COL26A1: variants seen among roughly 807,000 people sequenced by gnomAD.
COL26A1 encodes collagen alpha-1(XXVI) chain.
In COL26A1, 41 loss-of-function variants were observed where a neutral mutation model predicts 59.3. The observed-to-expected ratio is 0.69, with a 90% CI of 0.54 to 0.90. COL26A1 has a LOEUF of 0.90. COL26A1 is among the 40% of genes least tolerant of loss of function. The probability of loss-of-function intolerance (pLI) is 0.00; values close to 1 mark genes in which losing one functional copy is unlikely to be tolerated. For missense variants in COL26A1, 612 were observed against 602.3 expected (o/e 1.02, Z -0.17); for synonymous variants, 266 against 256.0 (o/e 1.04, Z -0.37).
chr7:101,430,548 CA>C (rs58107581), intron 2 of COL26A1, among the ~76,000 whole-genome samples: 17,391 of 151,920 alleles, frequency 0.11, 1,869 homozygotes, highest in African/African-American at 0.29. Context: ...CTCAGCTTCC[CA>C]AAGTGCTGGG....
intron 12 of COL26A1, among the ~76,000 whole-genome samples, chr7:101,557,117 G>A (rs1010643597): frequency 4.0e-5 from 6 of 151,866 alleles, no homozygotes; most frequent in African/African-American, 1.5e-4. Flanking sequence ...GGATGAATGG[G>A]TGAATGGATG....
intron 2 of COL26A1, among the ~76,000 whole-genome samples, chr7:101,435,785 G>A (rs760157975): frequency 4.6e-5 from 7 of 152,112 alleles, no homozygotes; most frequent in Non-Finnish European, 8.8e-5. Flanking sequence ...CAGGCCCCTC[G>A]GAGTCCTTTG....
At chr7:101,509,755 C>A (rs1313089566) in intron 3 of COL26A1, among the ~76,000 whole-genome samples, 1 of 151,910 alleles carries the variant, frequency 6.6e-6, no homozygotes. Flanking sequence ...TTTGACGGGG[C>A]CTCACTCTGT....
intron 3 of COL26A1, among the ~76,000 whole-genome samples, chr7:101,514,585 C>T (rs1023300518): frequency 4.6e-5 from 7 of 152,028 alleles, no homozygotes; most frequent in South Asian, 2.1e-4. Context: ...CTATGGCTAG[C>T]GAGGCAGTGC....
intron 1 of COL26A1, among the ~76,000 whole-genome samples, chr7:101,363,760 C>T (rs1232624970): frequency 6.6e-6 from 1 of 151,350 alleles, no homozygotes; most frequent in Non-Finnish European, 1.5e-5. Context: ...GAGGTGGTTC[C>T]GACCGCCGTG....
At chr7:101,438,708 C>T (rs947106168) in intron 2 of COL26A1, among the ~76,000 whole-genome samples, 4 of 151,348 alleles carry the variant, frequency 2.6e-5, no homozygotes, top group South Asian at 2.1e-4. Context: ...CTCAATCTTG[C>T]GGTCCAGGCT....
Position 101,551,097 on chromosome 7 carries a change from G to A in COL26A1, c.994-11G>A, listed in dbSNP as rs1562802339. ...CGGCAGGCCTCACACGCTTCCTTTG[G>A]TTTTCTGCAGGGCCTGGCTGGAGAG... is the stretch of plus-strand genomic sequence containing the variant. On this transcript the variant is annotated splice_polypyrimidine_tract_variant and intron_variant, in intron 9 of 12. Coordinates refer to ENST00000313669, the MANE Select transcript of COL26A1 (RefSeq NM_001278563.3). The A allele has an allele frequency of 1.9e-6, 3 of 1,555,464 alleles. No individual in the cohort carries two copies. The highest frequency in any genetic ancestry group is 2.6e-6 in the Non-Finnish European group (3 of 1,149,254).
At chr7:101,428,666 C>CGT (rs1318398900) in intron 2 of COL26A1, among the ~76,000 whole-genome samples, 1 of 151,360 alleles carries the variant, frequency 6.6e-6, no homozygotes, top group African/African-American at 2.4e-5. Context: ...CTTTTGTGGT[C>CGT]GTGTGTGTGT....
intron 1 of COL26A1, among the ~76,000 whole-genome samples, chr7:101,408,784 G>A (rs1056964645): frequency 5.9e-5 from 9 of 152,104 alleles, no homozygotes; most frequent in Non-Finnish European, 1.2e-4. Context: ...TCCTTGCTGC[G>A]GCTGTGCAGA....
At chr7:101,533,055 C>G (rs369067942) in intron 3 of COL26A1, 27 bp from the exon 4 acceptor site, 134 of 1,575,208 alleles carry the variant, frequency 8.5e-5, no homozygotes, top group Non-Finnish European at 1.1e-4. Flanking sequence ...ACACTCTGCT[C>G]TCATATAAGT....
chr7:101,538,404 C>G (rs1795528859), intron 4 of COL26A1, among the ~76,000 whole-genome samples: 1 of 152,234 alleles, frequency 6.6e-6, no homozygotes. Context: ...TGAGGCACCA[C>G]TAGGGGCCCC....
intron 3 of COL26A1, among the ~76,000 whole-genome samples, chr7:101,523,758 G>T (rs976747568): frequency 3.9e-5 from 6 of 151,914 alleles, no homozygotes; most frequent in African/African-American, 1.5e-4. Context: ...CTATAGTTTT[G>T]TAACAAGGTC....
intron 2 of COL26A1, among the ~76,000 whole-genome samples, chr7:101,423,461 G>A (rs763185910): frequency 2.6e-5 from 4 of 152,132 alleles, no homozygotes; most frequent in Admixed American, 1.3e-4. Context: ...CCGGCCCGGC[G>A]TGGTGGCTCA....
chr7:101,503,925 G>A (rs1000952398), intron 3 of COL26A1, among the ~76,000 whole-genome samples: 3 of 152,198 alleles, frequency 2.0e-5, no homozygotes, highest in Non-Finnish European at 2.9e-5. Context: ...CAGTAGTTCA[G>A]TATTTACAGT....
chr7:101,410,145 G>A (rs1338648916), intron 1 of COL26A1, among the ~76,000 whole-genome samples: 2 of 152,064 alleles, frequency 1.3e-5, no homozygotes, highest in East Asian at 3.9e-4. Flanking sequence ...ACTCTTAAGG[G>A]TGTTAAAACT....
intron 3 of COL26A1, among the ~76,000 whole-genome samples, chr7:101,466,007 A>G (rs1793750861): frequency 6.6e-6 from 1 of 152,124 alleles, no homozygotes; most frequent in African/African-American, 2.4e-5. Flanking sequence ...CCTGACTGAG[A>G]TGACTCAGTT....
rs1194001209 is a variant in COL26A1 at position 101,387,768 on chromosome 7, A to ATTTTTT, written c.158+24579_158+24580insTTTTTT. ...TATATATATATTTATATATATATAT[A>ATTTTTT]TATATATATATTTTTTTTTAAGACA... On this transcript the variant is annotated intron_variant, in intron 1 of 12. Transcript: ENST00000313669. Among the ~76,000 whole-genome samples the ATTTTTT allele has an allele frequency of 1.6e-3, 57 of 36,440 alleles. 1 individual carries two copies. Among genetic ancestry groups the ATTTTTT allele is most frequent in the Non-Finnish European group, 1.5e-3 (23 of 15,784 alleles). 23.9% of individuals were successfully genotyped at this position (36,440 alleles called of 152,430 possible).
rs940654045 is a variant in COL26A1 at position 101,557,220 on chromosome 7, A to G, written c.1166-150A>G. On this transcript the variant is annotated intron_variant, in intron 12 of 12. Transcript: ENST00000313669. The stretch of plus-strand genomic sequence containing the variant: ...GGATGGATGCATGGATCCATGAATG[A>G]ATGAATGCATAAGGGGCTGAAAGCC... 4 of 663,286 alleles carry G rather than the reference A, an allele frequency of 6.0e-6. No homozygotes were observed. The East Asian group carries it at 1.1e-4, about 19-fold the overall frequency. The allele number at this position is 663,286 out of a possible 1,614,324, so 41.1% of individuals were successfully genotyped here.
intron 1 of COL26A1, among the ~76,000 whole-genome samples, chr7:101,416,387 G>C (rs1474059840): frequency 7.0e-6 from 1 of 143,188 alleles, no homozygotes. Flanking sequence ...CACCCACCTC[G>C]GCCTCCCAAA....
Sources: gnomAD v4.1 joint callset for allele counts (sites outside exome capture counted in the v4.1 genomes callset) on GRCh38, gnomAD v4.1.1 for gene constraint, MANE v1.5 for transcripts, NCBI Gene and HGNC (gene_info 2026-07-23, HGNC 2026-07-21) for gene names.